Variants in CYYR1 observed in about 807,000 individuals in gnomAD.
CYYR1 encodes cysteine and tyrosine rich 1, also known as cysteine and tyrosine-rich protein 1.
CYYR1 carries 14 observed loss-of-function variants against 15.2 expected under a neutral mutation model. The ratio of observed to expected loss-of-function variants is 0.92; its 90% CI spans 0.61 to 1.44. CYYR1 has a LOEUF of 1.44. CYYR1 is among the 40% of genes most tolerant of loss of function. The pLI is 0.00. For synonymous variants in CYYR1, 80 were observed against 77.4 expected (o/e 1.03, Z -0.18); for missense variants, 228 against 209.5 (o/e 1.09, Z -0.54).
At chr21:26,480,528 A>G (rs1241361670) in intron 2 of CYYR1, 99 bp from the exon 3 acceptor site, 10 of 1,292,358 alleles carry the variant, frequency 7.7e-6, no homozygotes, top group African/African-American at 3.0e-5. Flanking sequence ...TTTTCTTACA[A>G]ATGTTCTTAA....
At position 26,468,475 on chromosome 21, in the gene CYYR1, G is replaced by A. The variant is rs762954770; in HGVS notation, c.*26C>T. 1.4e-6 allele frequency: 2 copies of A among 1,401,906 alleles called. No homozygotes were observed. Among genetic ancestry groups the A allele is most frequent in the East Asian group, 4.6e-5 (2 of 43,888 alleles). The allele number at this position is 1,401,906 out of a possible 1,614,324, so 86.8% of individuals were successfully genotyped here. A position where few individuals can be genotyped will look rare whatever the true frequency, so the allele number is the denominator to read the frequency against. On this transcript the variant is annotated 3_prime_UTR_variant, in exon 4 of 4. Coordinates refer to ENST00000652641, the MANE Select transcript of CYYR1 (RefSeq NM_001320768.2). ...TTATTCCAGGCAAGATCGCCCATTG[G>A]CACATGTTCTGTTCTGGGAGATAGA...
rs189850232 is a variant in CYYR1, at chr21:26,478,635, G to A, written c.334+1637C>T. On this transcript the variant is annotated intron_variant, in intron 3 of 3. Coordinates refer to ENST00000652641, the MANE Select transcript of CYYR1 (RefSeq NM_001320768.2). ...AAGATTCTGAGCACAGGAGTAATAC[G>A]ATCTGACATCTACTTTGAAAGGTTC... Among the ~76,000 whole-genome samples, 30 of 152,192 alleles carry A rather than the reference G, an allele frequency of 2.0e-4. No homozygotes were observed. In the East Asian group the frequency reaches 4.4e-3, roughly 23 times the overall value.
chr21:26,503,310 A>C (rs1018835469), intron 2 of CYYR1, among the ~76,000 whole-genome samples: 17 of 152,344 alleles, frequency 1.1e-4, no homozygotes, highest in African/African-American at 3.6e-4. Flanking sequence ...TAAAAAAAGA[A>C]AATAGTAATT....
chr21:26,569,714 T>C (rs1980890838), intron 1 of CYYR1, among the ~76,000 whole-genome samples: 1 of 152,242 alleles, frequency 6.6e-6, no homozygotes, highest in East Asian at 1.9e-4. Context: ...TGGGTGCCTT[T>C]TGAACCATGT....
intron 2 of CYYR1, among the ~76,000 whole-genome samples, chr21:26,481,578 C>T (rs1601732405): frequency 6.6e-6 from 1 of 151,994 alleles, no homozygotes; most frequent in African/African-American, 2.4e-5. Flanking sequence ...TTTATGGCTG[C>T]ATAATATTCC....
At chr21:26,548,646 G>C (rs534084774) in intron 2 of CYYR1, among the ~76,000 whole-genome samples, 1 of 152,306 alleles carries the variant, frequency 6.6e-6, no homozygotes, top group East Asian at 1.9e-4. Context: ...ACCAAGCCCG[G>C]CCAGTATGGG....
intron 2 of CYYR1, among the ~76,000 whole-genome samples, chr21:26,490,033 G>A (rs772908918): frequency 2.0e-5 from 3 of 152,128 alleles, no homozygotes; most frequent in Admixed American, 6.6e-5. Context: ...GCTGGGGGCA[G>A]TGGCTCACAC....
At chr21:26,533,561 C>T (rs562946569) in intron 2 of CYYR1, among the ~76,000 whole-genome samples, 2 of 152,252 alleles carry the variant, frequency 1.3e-5, no homozygotes, top group South Asian at 4.1e-4. Flanking sequence ...GGAGGATGTC[C>T]ACTCACATTG....
chr21:26,511,980 T>TCA (rs1464429095), intron 2 of CYYR1, among the ~76,000 whole-genome samples: 1 of 111,716 alleles, frequency 9.0e-6, no homozygotes, highest in East Asian at 2.1e-4. Context: ...GTCAACAATA[T>TCA]CACACATACA....
chr21:26,474,119 T>C (rs117420635), intron 3 of CYYR1, among the ~76,000 whole-genome samples: 4,624 of 147,484 alleles, frequency 0.031, 105 homozygotes, highest in East Asian at 0.1. Context: ...CGATCTTGCC[T>C]CACTGTAAAC....
At chr21:26,489,016 T>C (rs1006211761) in intron 2 of CYYR1, among the ~76,000 whole-genome samples, 3 of 152,168 alleles carry the variant, frequency 2.0e-5, no homozygotes, top group Non-Finnish European at 4.4e-5. Context: ...AAAATTGCTA[T>C]ACAGTTTAAA....
intron 2 of CYYR1, among the ~76,000 whole-genome samples, chr21:26,557,579 T>C (rs955123749): frequency 6.6e-6 from 1 of 152,140 alleles, no homozygotes; most frequent in Non-Finnish European, 1.5e-5. Context: ...TAAAATAGCA[T>C]CCGAATGTAA....
At chr21:26,486,745 A>G (rs1011429409) in intron 2 of CYYR1, among the ~76,000 whole-genome samples, 7 of 152,100 alleles carry the variant, frequency 4.6e-5, no homozygotes, top group African/African-American at 1.7e-4. Flanking sequence ...TATTCCATAA[A>G]TCGCTTTTCA....
chr21:26,569,023 G>A (rs1198672810), intron 1 of CYYR1: 1 of 152,222 alleles, frequency 6.6e-6, no homozygotes, highest in East Asian at 1.9e-4. Flanking sequence ...AAGCAGTTGG[G>A]AGATTTCTCA....
chr21:26,517,145 G>GT (rs2065741942), intron 2 of CYYR1, among the ~76,000 whole-genome samples: 1 of 48,050 alleles, frequency 2.1e-5, no homozygotes, highest in Admixed American at 1.9e-4. Flanking sequence ...AAAAAAAAAA[G>GT]AATTCACTGG....
chr21:26,534,867 A>G (rs114371172), intron 2 of CYYR1, among the ~76,000 whole-genome samples: 3,084 of 152,268 alleles, frequency 0.02, 117 homozygotes, highest in African/African-American at 0.07. Flanking sequence ...TGACAGATAT[A>G]GACAGGTACT....
chr21:26,470,447 A>G (rs571748738), intron 3 of CYYR1: 7 of 152,250 alleles, frequency 4.6e-5, no homozygotes, highest in African/African-American at 1.7e-4. Context: ...AGGTGATTGG[A>G]TCATGGGGGT....
intron 2 of CYYR1, among the ~76,000 whole-genome samples, chr21:26,502,856 C>T (rs2065500921): frequency 6.6e-6 from 1 of 152,140 alleles, no homozygotes; most frequent in Non-Finnish European, 1.5e-5. Flanking sequence ...AGTCTGCTCT[C>T]ATAGATGAAT....
intron 2 of CYYR1, among the ~76,000 whole-genome samples, chr21:26,536,011 A>G (rs1329402236): frequency 6.6e-6 from 1 of 152,198 alleles, no homozygotes; most frequent in South Asian, 2.1e-4. Context: ...GGCAGGCTGT[A>G]CAAGAAGCAT....
Sources: gnomAD v4.1 joint callset for allele counts (sites outside exome capture counted in the v4.1 genomes callset) on GRCh38, gnomAD v4.1.1 for gene constraint, MANE v1.5 for transcripts, NCBI Gene and HGNC (gene_info 2026-07-23, HGNC 2026-07-21) for gene names.